Variants in TRPC4 observed in about 807,000 individuals in gnomAD.
TRPC4 encodes the protein transient receptor potential cation channel subfamily C member 4.
A neutral mutation model predicts 99.4 loss-of-function variants in TRPC4; 49 were observed. The ratio of observed to expected loss-of-function variants is 0.49; its 90% CI spans 0.39 to 0.63. The LOEUF (loss-of-function observed/expected upper bound fraction) is 0.63, where lower values mean the gene tolerates loss of function less well. Among genes scored for constraint, TRPC4 ranks in the 20% least tolerant of loss-of-function variants. The probability of loss-of-function intolerance (pLI) is 0.00; values close to 1 mark genes in which losing one functional copy is unlikely to be tolerated. For missense variants in TRPC4, 898 were observed against 1,152.9 expected, an observed-to-expected ratio of 0.78 and a Z score of 3.20; for synonymous variants, 454 against 425.9, an observed-to-expected ratio of 1.07 and a Z score of -0.81.
chr13:37,730,513 AT>A (rs1387820363), intron 3 of TRPC4, among the ~76,000 whole-genome samples: 19 of 152,008 alleles, frequency 1.2e-4, no homozygotes, highest in African/African-American at 4.6e-4. Flanking sequence ...GTAGTTCTTC[AT>A]TGTTTATATT....
intron 1 of TRPC4, among the ~76,000 whole-genome samples, chr13:37,818,545 C>A (rs2139516696): frequency 6.6e-6 from 1 of 152,174 alleles, no homozygotes; most frequent in Admixed American, 6.6e-5. Context: ...ATACTTGGAA[C>A]CAACCCAAAT....
At chr13:37,689,397 T>C (rs766880647) in intron 4 of TRPC4, among the ~76,000 whole-genome samples, 1 of 152,174 alleles carries the variant, frequency 6.6e-6, no homozygotes, top group African/African-American at 2.4e-5. Flanking sequence ...TATGAGGCAC[T>C]CACAATTCAC....
Position 37,856,596 on chromosome 13 carries a change from C to T in TRPC4, c.-28+12999G>A, listed in dbSNP as rs1959176477. Among the ~76,000 whole-genome samples the T allele has an allele frequency of 2.0e-5, 3 of 150,934 alleles. No individual in the cohort carries two copies. In the South Asian group the frequency reaches 6.3e-4, roughly 31 times the overall value. On this transcript the variant is annotated intron_variant, in intron 1 of 10. Coordinates refer to ENST00000379705, the MANE Select transcript of TRPC4 (RefSeq NM_016179.4). Reference sequence around the variant, plus strand: ...ATTAAAAAAAAAGAAAACTGCAGGCCAATATCTCTGATGAATATTGAGACA... The same window carrying T: ...ATTAAAAAAAAAGAAAACTGCAGGCTAATATCTCTGATGAATATTGAGACA...
intron 3 of TRPC4, among the ~76,000 whole-genome samples, chr13:37,710,884 G>C (rs61240863): frequency 0.039 from 5,995 of 151,874 alleles, 421 homozygotes; most frequent in African/African-American, 0.14. Flanking sequence ...GCTTTTATAT[G>C]AAGGTAATTG....
At chr13:37,775,407 T>A (rs924503321) in intron 2 of TRPC4, among the ~76,000 whole-genome samples, 8 of 45,636 alleles carry the variant, frequency 1.8e-4, no homozygotes, top group Non-Finnish European at 4.1e-4. Context: ...TATTTATTTG[T>A]TTTTTTTTAA....
intron 1 of TRPC4, among the ~76,000 whole-genome samples, chr13:37,801,165 T>C (rs2139431169): frequency 6.6e-6 from 1 of 152,320 alleles, no homozygotes; most frequent in Non-Finnish European, 1.5e-5. Context: ...TTATTGTTAC[T>C]GTGGAATGTA....
At chr13:37,789,677 CTTTA>C (rs968152287) in intron 1 of TRPC4, among the ~76,000 whole-genome samples, 2 of 136,448 alleles carry the variant, frequency 1.5e-5, no homozygotes, top group Admixed American at 7.2e-5. Context: ...GTGCAAAATA[CTTTA>C]TTTCTTTTTT....
At chr13:37,846,647 G>A (rs1223031313) in intron 1 of TRPC4, among the ~76,000 whole-genome samples, 3 of 149,516 alleles carry the variant, frequency 2.0e-5, no homozygotes, top group Non-Finnish European at 3.0e-5. Flanking sequence ...AAGAGAGGAA[G>A]AAAAAAAAAC....
At chr13:37,775,805 T>G (rs1365397169) in intron 2 of TRPC4, among the ~76,000 whole-genome samples, 1 of 86,068 alleles carries the variant, frequency 1.2e-5, no homozygotes, top group African/African-American at 3.6e-5. Flanking sequence ...TGTTATCTGA[T>G]TTTTTTTTTG....
intron 1 of TRPC4, among the ~76,000 whole-genome samples, chr13:37,848,403 C>T (rs1220252258): frequency 6.6e-6 from 1 of 152,016 alleles, no homozygotes. Context: ...CAGCACCATC[C>T]ATAGAACATT....
chr13:37,723,870 C>A (rs763777145), intron 3 of TRPC4, among the ~76,000 whole-genome samples: 1 of 151,798 alleles, frequency 6.6e-6, no homozygotes, highest in African/African-American at 2.4e-5. Context: ...CTTTTTAATA[C>A]GGAAAAAATT....
At position 37,651,458 on chromosome 13, in the gene TRPC4, T is replaced by C; in HGVS notation, c.1886A>G (p.Asp629Gly). 1 of 1,613,676 alleles carries C rather than the reference T, an allele frequency of 6.2e-7. No homozygotes were observed. Among genetic ancestry groups the C allele is most frequent in the Non-Finnish European group, 8.5e-7 (1 of 1,179,666 alleles). The change falls in exon 8 of 11, where the codon GAC becomes GGC. Residue 629 changes from aspartate to glycine, a missense_variant and splice_region_variant. By Grantham distance (94) the Asp-to-Gly change is moderately conservative (BLOSUM62 -1). Transcript: ENST00000379705. ...AAATTTCCATTCTATATCTGCATGGTCCTGAACAGGAGAACATGACAACTG... is the reference window on the plus strand; with the variant it reads ...AAATTTCCATTCTATATCTGCATGGCCCTGAACAGGAGAACATGACAACTG... ...MMNNSYQLIA[D>G]HADIEWKFAR... is the part of the protein sequence containing the mutation.
chr13:37,747,029 T>G (rs564500788), intron 2 of TRPC4, among the ~76,000 whole-genome samples: 1 of 152,288 alleles, frequency 6.6e-6, no homozygotes, highest in Non-Finnish European at 1.5e-5. Context: ...TTTTCATCTG[T>G]GCTTTTCTGG....
chr13:37,682,348 G>T (rs1379609263), intron 4 of TRPC4, among the ~76,000 whole-genome samples: 1 of 152,114 alleles, frequency 6.6e-6, no homozygotes, highest in African/African-American at 2.4e-5. Context: ...GTATTGTTTT[G>T]TTTTTTGATT....
At chr13:37,823,100 C>A (rs1958065730) in intron 1 of TRPC4, among the ~76,000 whole-genome samples, 2 of 151,396 alleles carry the variant, frequency 1.3e-5, no homozygotes, top group South Asian at 4.2e-4. Flanking sequence ...TATCCTTCAC[C>A]CACTTTTTGA....
At chr13:37,819,357 T>C (rs1388244367) in intron 1 of TRPC4, among the ~76,000 whole-genome samples, 1 of 152,076 alleles carries the variant, frequency 6.6e-6, no homozygotes, top group Non-Finnish European at 1.5e-5. Context: ...CATATTATTC[T>C]AATAAAAGAC....
intron 1 of TRPC4, among the ~76,000 whole-genome samples, chr13:37,805,705 C>T (rs879636636): frequency 5.9e-5 from 9 of 151,910 alleles, no homozygotes; most frequent in Non-Finnish European, 1.2e-4. Flanking sequence ...AATTATAAAA[C>T]CTATGACTTA....
intron 2 of TRPC4, among the ~76,000 whole-genome samples, chr13:37,781,544 T>C (rs550612033): frequency 3.3e-4 from 50 of 152,076 alleles, no homozygotes; most frequent in Non-Finnish European, 5.4e-4. Flanking sequence ...ATGAAATGTG[T>C]CTTTGGATAT....
chr13:37,769,408 TC>T (rs1956485015), intron 2 of TRPC4, among the ~76,000 whole-genome samples: 1 of 151,420 alleles, frequency 6.6e-6, no homozygotes. Flanking sequence ...AAAACATCCT[TC>T]CTAAAATATC....
Sources: allele counts gnomAD v4.1 joint callset (sites outside exome capture counted in the v4.1 genomes callset), GRCh38; gene constraint gnomAD v4.1.1; transcripts MANE v1.5; gene names NCBI Gene and HGNC (gene_info 2026-07-23, HGNC 2026-07-21).